Variants in TF observed in about 807,000 individuals in gnomAD.
TF encodes the protein transferrin.
Under a neutral mutation model 82.4 loss-of-function variants are expected in TF, and 55 were observed. That is an observed-to-expected ratio of 0.67 (90% CI 0.54 to 0.84). The LOEUF (loss-of-function observed/expected upper bound fraction) is 0.84, where lower values mean the gene tolerates loss of function less well. Ranked by LOEUF, TF falls within the 40% of genes least tolerant of loss-of-function variation. TF has a pLI of 0.00. For synonymous variants in TF, 332 were observed against 332.6 expected (o/e 1.00, Z 0.02); for missense variants, 737 against 868.4 (o/e 0.85, Z 1.90).
chr3:133,727,925 G>T, the TF span, among the ~76,000 whole-genome samples: 1 of 151,938 alleles, frequency 6.6e-6, no homozygotes, highest in South Asian at 2.1e-4. Context: ...GCTTAGTTTG[G>T]CTGGACATGA....
At chr3:133,741,247 C>A (rs1485455298), upstream of TF, among the ~76,000 whole-genome samples, 1 of 152,026 alleles carries the variant, frequency 6.6e-6, no homozygotes, top group Non-Finnish European at 1.5e-5. Flanking sequence ...CCTGCTTCAG[C>A]CTCCCAAAGT....
At chr3:133,731,711 C>A in the TF span, among the ~76,000 whole-genome samples, 2 of 152,178 alleles carry the variant, frequency 1.3e-5, no homozygotes, top group Non-Finnish European at 2.9e-5. Context: ...GCAATGTGAG[C>A]AATCTTCAGA....
chr3:133,712,813 T>C, the TF span: 1 of 152,674 alleles, frequency 6.5e-6, no homozygotes, highest in Admixed American at 6.5e-5. Context: ...GCAAGTAATG[T>C]CTGTGCACCA....
chr3:133,744,016 G>A (rs116924593), upstream of TF, among the ~76,000 whole-genome samples: 3 of 143,440 alleles, frequency 2.1e-5, no homozygotes, highest in East Asian at 6.3e-4. Flanking sequence ...TAGATGACGT[G>A]GGAGCACCAG....
At chr3:133,668,913 G>A in the TF span, among the ~76,000 whole-genome samples, 1 of 152,170 alleles carries the variant, frequency 6.6e-6, no homozygotes, top group Non-Finnish European at 1.5e-5. Flanking sequence ...GTTTCCTCAG[G>A]GGAATTAAGT....
At chr3:133,775,247 T>G (rs769661937) in intron 14 of TF, 186 bp from the exon 15 acceptor site, 19 of 658,290 alleles carry the variant, frequency 2.9e-5, no homozygotes, top group Non-Finnish European at 4.6e-5. Flanking sequence ...CTGGTCACTG[T>G]GAGTCTGGCA....
upstream of TF, among the ~76,000 whole-genome samples, chr3:133,742,649 A>C (rs1037880940): frequency 2.6e-5 from 4 of 152,148 alleles, no homozygotes; most frequent in Non-Finnish European, 5.9e-5. Context: ...CTGCTTCTCA[A>C]GGATGACCCA....
At chr3:133,750,574 C>T (rs1232985500) in intron 2 of TF, among the ~76,000 whole-genome samples, 5 of 152,040 alleles carry the variant, frequency 3.3e-5, no homozygotes, top group African/African-American at 4.8e-5. Flanking sequence ...TAATCCTGTC[C>T]CTCCCAGCTG....
At chr3:133,753,555 A>G (rs1933734604) in intron 2 of TF, 40 bp from the exon 3 acceptor site, 4 of 1,573,746 alleles carry the variant, frequency 2.5e-6, no homozygotes, top group African/African-American at 1.4e-5. Flanking sequence ...CCTTCCTTGG[A>G]AGTCAAGGCT....
chr3:133,705,303 T>C, the TF span, among the ~76,000 whole-genome samples: 3 of 152,046 alleles, frequency 2.0e-5, no homozygotes, highest in African/African-American at 7.2e-5. Context: ...TAAATGATGT[T>C]TCCATTGTAG....
chr3:133,680,413 A>G, the TF span, among the ~76,000 whole-genome samples: 3 of 152,228 alleles, frequency 2.0e-5, no homozygotes, highest in Non-Finnish European at 4.4e-5. Flanking sequence ...TATGTTGCCC[A>G]GGCTGGTCTC....
the TF span, among the ~76,000 whole-genome samples, chr3:133,689,157 C>T: frequency 6.6e-6 from 1 of 151,960 alleles, no homozygotes; most frequent in Non-Finnish European, 1.5e-5. Context: ...GACACCCCAT[C>T]TCTAGCCATT....
intron 2 of TF, among the ~76,000 whole-genome samples, chr3:133,751,446 T>C (rs1451608774): frequency 1.3e-5 from 2 of 152,048 alleles, no homozygotes; most frequent in Admixed American, 6.5e-5. Context: ...TTAGCCAGTA[T>C]GGTCTCGATC....
the TF span, among the ~76,000 whole-genome samples, chr3:133,689,987 A>G: frequency 6.6e-6 from 1 of 152,194 alleles, no homozygotes; most frequent in South Asian, 2.1e-4. Flanking sequence ...CAAATGGCTG[A>G]GAAAGGAGTC....
the TF span, among the ~76,000 whole-genome samples, chr3:133,677,871 A>G: frequency 6.6e-6 from 1 of 151,926 alleles, no homozygotes; most frequent in South Asian, 2.1e-4. Context: ...AAATTTTTTT[A>G]TTATAATACT....
chr3:133,748,275 C>A, intron 1 of TF, 137 bp from the exon 2 acceptor site: 2 of 1,088,570 alleles, frequency 1.8e-6, no homozygotes, highest in African/African-American at 1.6e-5. Flanking sequence ...AGAACTTGTG[C>A]CCTGTAGTGT....
At chr3:133,773,054 C>G (rs991787271) in intron 14 of TF, 4 of 152,166 alleles carry the variant, frequency 2.6e-5, no homozygotes, top group Non-Finnish European at 5.9e-5. Context: ...GCATAGCACA[C>G]AACAGGTAGC....
intron 16 of TF, chr3:133,777,740 C>G (rs993045036): frequency 5.8e-6 from 1 of 173,528 alleles, no homozygotes; most frequent in African/African-American, 2.4e-5. Flanking sequence ...CTCTTTCAGA[C>G]AGTGCTGCTC....
intron 11 of TF, 147 bp from the exon 12 acceptor site, chr3:133,766,131 T>TC (rs1346912348): frequency 1.2e-6 from 1 of 805,946 alleles, no homozygotes; most frequent in Non-Finnish European, 2.2e-6. Flanking sequence ...TCCTTGTACT[T>TC]CCCCTCAGTC....
Sources: gnomAD v4.1 joint callset for allele counts (sites outside exome capture counted in the v4.1 genomes callset) on GRCh38, gnomAD v4.1.1 for gene constraint, MANE v1.5 for transcripts, NCBI Gene and HGNC (gene_info 2026-07-23, HGNC 2026-07-21) for gene names.